Variants in NR3C1 observed in about 807,000 individuals in gnomAD.
The protein encoded by NR3C1 is nuclear receptor subfamily 3 group C member 1, also known as glucocorticoid receptor.
In NR3C1, 14 loss-of-function variants were observed where a neutral mutation model predicts 74.0. That is an observed-to-expected ratio of 0.19 (90% confidence interval 0.12 to 0.30). NR3C1 has a LOEUF of 0.30. NR3C1 is among the 10% of genes least tolerant of loss of function. NR3C1 has a pLI of 1.00. For missense variants in NR3C1, 695 were observed against 909.8 expected, an observed-to-expected ratio of 0.76 and a Z score of 3.04; for synonymous variants, 308 against 332.5, an observed-to-expected ratio of 0.93 and a Z score of 0.80.
chr5:143,420,333 T>C (rs770624970), intron 1 of NR3C1, among the ~76,000 whole-genome samples: 7 of 152,200 alleles, frequency 4.6e-5, no homozygotes, highest in Non-Finnish European at 1.0e-4. Context: ...TAAGTGTCCA[T>C]GAAATCTTCA....
intron 2 of NR3C1, among the ~76,000 whole-genome samples, chr5:143,341,511 G>C (rs1306772567): frequency 1.3e-5 from 2 of 152,214 alleles, no homozygotes; most frequent in Non-Finnish European, 2.9e-5. Flanking sequence ...GGTCCTTTCA[G>C]GACATCTGGA....
At chr5:143,379,339 A>C (rs1835773344) in intron 2 of NR3C1, among the ~76,000 whole-genome samples, 1 of 152,196 alleles carries the variant, frequency 6.6e-6, no homozygotes, top group South Asian at 2.1e-4. Flanking sequence ...AGGAAGATTA[A>C]CTTCTGCAGG....
chr5:143,417,632 T>C (rs1750976387), intron 1 of NR3C1, among the ~76,000 whole-genome samples: 1 of 152,166 alleles, frequency 6.6e-6, no homozygotes, highest in Non-Finnish European at 1.5e-5. Flanking sequence ...AAGTAACTTA[T>C]TATTACGCTT....
chr5:143,401,733 C>T (rs1451537283), intron 1 of NR3C1, among the ~76,000 whole-genome samples: 1 of 152,200 alleles, frequency 6.6e-6, no homozygotes, highest in Non-Finnish European at 1.5e-5. Flanking sequence ...TATTACATCT[C>T]TAAGTTCTTT....
chr5:143,295,901 G>C (rs1561494402), intron 6 of NR3C1, among the ~76,000 whole-genome samples: 1 of 152,106 alleles, frequency 6.6e-6, no homozygotes. Flanking sequence ...ATTACTAGTT[G>C]CTCATTTAAA....
chr5:143,324,581 A>G (rs1824147652), intron 2 of NR3C1, among the ~76,000 whole-genome samples: 1 of 152,086 alleles, frequency 6.6e-6, no homozygotes, highest in South Asian at 2.1e-4. Context: ...CCATGGAGAC[A>G]TTTTCCCCAT....
intron 6 of NR3C1, among the ~76,000 whole-genome samples, chr5:143,297,535 G>A (rs1331803884): frequency 6.6e-6 from 1 of 152,104 alleles, no homozygotes; most frequent in East Asian, 1.9e-4. Flanking sequence ...TTTAAAATTG[G>A]ATCCAACTAC....
intron 2 of NR3C1, among the ~76,000 whole-genome samples, chr5:143,380,445 T>C (rs1211065199): frequency 2.6e-5 from 4 of 152,192 alleles, no homozygotes; most frequent in East Asian, 3.8e-4. Flanking sequence ...CTTAGTATTA[T>C]GACGTTCAAA....
At chr5:143,293,488 C>G (rs1488031275) in intron 7 of NR3C1, among the ~76,000 whole-genome samples, 1 of 151,952 alleles carries the variant, frequency 6.6e-6, no homozygotes, top group East Asian at 2.0e-4. Context: ...ATTCATGTAA[C>G]CTACCACTAC....
intron 1 of NR3C1, 130 bp from the exon 2 acceptor site, chr5:143,400,982 T>C (rs61759023): frequency 4.8e-5 from 36 of 752,166 alleles, no homozygotes; most frequent in African/African-American, 3.8e-4. Flanking sequence ...AAATTCTTTG[T>C]TACCAGAAGA....
intron 2 of NR3C1, among the ~76,000 whole-genome samples, chr5:143,378,238 G>A (rs1169259452): frequency 6.6e-6 from 1 of 152,082 alleles, no homozygotes. Context: ...GTAACAGAGT[G>A]AGACCCTGTC....
chr5:143,413,273 T>A (rs887301482), intron 1 of NR3C1, among the ~76,000 whole-genome samples: 1 of 152,156 alleles, frequency 6.6e-6, no homozygotes, highest in Non-Finnish European at 1.5e-5. Context: ...CACGGAGGGT[T>A]TCCTAGAGGT....
chr5:143,364,868 G>T (rs1468774355), intron 2 of NR3C1, among the ~76,000 whole-genome samples: 1 of 151,942 alleles, frequency 6.6e-6, no homozygotes, highest in Non-Finnish European at 1.5e-5. Context: ...ACCATGCCTG[G>T]CTAATTTTTG....
chr5:143,319,682 C>T (rs895277436), intron 2 of NR3C1, among the ~76,000 whole-genome samples: 2 of 152,114 alleles, frequency 1.3e-5, no homozygotes, highest in African/African-American at 4.8e-5. Context: ...AGGGATGCTG[C>T]TAACCAGCCT....
chr5:143,337,713 C>A (rs1169826058), intron 2 of NR3C1, among the ~76,000 whole-genome samples: 2 of 152,010 alleles, frequency 1.3e-5, no homozygotes, highest in Non-Finnish European at 2.9e-5. Context: ...ATGAAAAAAG[C>A]AAGATGCAAA....
intron 1 of NR3C1, among the ~76,000 whole-genome samples, chr5:143,411,067 A>G (rs1841275564): frequency 6.6e-6 from 1 of 152,220 alleles, no homozygotes; most frequent in Non-Finnish European, 1.5e-5. Context: ...TTTTACTATT[A>G]TCTATGTTCT....
At chr5:143,310,321 G>T in intron 3 of NR3C1, 108 bp from the exon 4 acceptor site, 1 of 794,090 alleles carries the variant, frequency 1.3e-6, no homozygotes, top group Non-Finnish European at 2.1e-6. Flanking sequence ...ACACCCACAG[G>T]TATTGCCTTG....
At position 143,399,888 on chromosome 5, in the gene NR3C1, C is replaced by A. The variant is rs1000348741; in HGVS notation, c.952G>T (p.Ala318Ser). 2 of 1,614,150 alleles carry A rather than the reference C, an allele frequency of 1.2e-6. No individual in the cohort carries two copies. Among genetic ancestry groups the A allele is most frequent in the African/African-American group, 2.7e-5 (2 of 75,042 alleles). The change falls in exon 2 of 9, where the codon GCC becomes TCC. Residue 318 changes from alanine (A) to serine (S), a missense_variant. Coordinates refer to ENST00000394464, the MANE Select transcript of NR3C1 (RefSeq NM_000176.3). ...GTACTCACACCATGAACAGAAATGGCAGACATTTTATTACCAATTATATTT... is the reference window on the plus strand; with the variant it reads ...GTACTCACACCATGAACAGAAATGGAAGACATTTTATTACCAATTATATTT... ...GANIIGNKMSAISVHGVSTSG... is the reference protein window; with the variant it reads ...GANIIGNKMSSISVHGVSTSG...
At chr5:143,297,075 C>CAAAAAAAAAA (rs766243522) in intron 6 of NR3C1, among the ~76,000 whole-genome samples, 2 of 60,616 alleles carry the variant, frequency 3.3e-5, no homozygotes, top group Admixed American at 1.9e-4. Flanking sequence ...AGACTCGTCT[C>CAAAAAAAAAA]AAAAAAAAAA....
Sources: gnomAD v4.1 joint callset for allele counts (sites outside exome capture counted in the v4.1 genomes callset) on GRCh38, gnomAD v4.1.1 for gene constraint, MANE v1.5 for transcripts, NCBI Gene and HGNC (gene_info 2026-07-23, HGNC 2026-07-21) for gene names.